Variants in GABRA3 observed in about 807,000 individuals in gnomAD.
GABRA3 encodes the protein gamma-aminobutyric acid receptor subunit alpha-3.
In GABRA3, 10 loss-of-function variants were observed where a neutral mutation model predicts 30.1. The ratio of observed to expected loss-of-function variants is 0.33; its 90% CI spans 0.20 to 0.56. The LOEUF is 0.56. Among genes scored for constraint, GABRA3 ranks in the 20% least tolerant of loss-of-function variants. The probability of loss-of-function intolerance (pLI) is 0.89; values close to 1 mark genes in which losing one functional copy is unlikely to be tolerated. For synonymous variants in GABRA3, 151 were observed against 146.8 expected (o/e 1.03, Z -0.21); for missense variants, 233 against 392.0 (o/e 0.59, Z 3.42).
rs192051708 is a variant in GABRA3 at position 152,384,590 on chromosome X, T to C, written c.-26-19994A>G. ...TTTATACAAAATTAAATTGTAACCTTACCCATAGTATACAAAAATGTATTA... is the reference window on the plus strand; with the variant it reads ...TTTATACAAAATTAAATTGTAACCTCACCCATAGTATACAAAAATGTATTA... On this transcript the variant is annotated intron_variant, in intron 1 of 9. Coordinates refer to ENST00000370314, the MANE Select transcript of GABRA3 (RefSeq NM_000808.4). Among the ~76,000 whole-genome samples, 6 of 112,373 alleles carry C rather than the reference T, an allele frequency of 5.3e-5. No homozygotes were observed. The East Asian group carries it at 1.7e-3, about 31-fold the overall frequency.
chrX:152,272,402 ATT>A (rs1300800939), intron 4 of GABRA3, among the ~76,000 whole-genome samples: 2 of 110,400 alleles, frequency 1.8e-5, no homozygotes, highest in Non-Finnish European at 3.9e-5. Flanking sequence ...CCTGTTGCCA[ATT>A]TGGCCAATTT....
intron 5 of GABRA3, among the ~76,000 whole-genome samples, chrX:152,225,638 T>C (rs755027074): frequency 9.0e-6 from 1 of 110,668 alleles, no homozygotes; most frequent in African/African-American, 3.3e-5. Context: ...TCCCCTGCAA[T>C]AGTCTCTCTG....
chrX:152,168,777 C>T lies in GABRA3; in HGVS notation c.1144-214G>A, dbSNP rs182837179. Among the ~76,000 whole-genome samples, 6 of 112,008 alleles carry T rather than the reference C, an allele frequency of 5.4e-5. No homozygotes were observed. In the South Asian group the frequency reaches 1.1e-3, roughly 21 times the overall value. On this transcript the variant is annotated intron_variant, in intron 9 of 9. Coordinates refer to ENST00000370314, the MANE Select transcript of GABRA3 (RefSeq NM_000808.4). ...AGAAAACGTGCATCATCCTGGCTCA[C>T]GAGCTATGTCGCTTTGGCTAAGTCA...
At chrX:152,392,164 C>A in intron 1 of GABRA3, 1 of 373,508 alleles carries the variant, frequency 2.7e-6, no homozygotes, top group Middle Eastern at 7.6e-4. Context: ...ATTAGAAACA[C>A]AGAGCACAGG....
intron 1 of GABRA3, among the ~76,000 whole-genome samples, chrX:152,400,901 G>A (rs191047410): frequency 9.0e-6 from 1 of 111,362 alleles, no homozygotes; most frequent in African/African-American, 3.3e-5. Flanking sequence ...AGCTGATAAA[G>A]AAAACTCTGG....
chrX:152,350,164 G>A (rs1453967488), intron 2 of GABRA3, among the ~76,000 whole-genome samples: 1 of 105,636 alleles, frequency 9.5e-6, no homozygotes, highest in Non-Finnish European at 1.9e-5. Context: ...ACTCAAAACC[G>A]CTCAATTACA....
intron 3 of GABRA3, among the ~76,000 whole-genome samples, chrX:152,329,550 T>G (rs757138498): frequency 9.0e-6 from 1 of 111,520 alleles, no homozygotes; most frequent in African/African-American, 3.3e-5. Context: ...CCACACATCT[T>G]CAACCATCTG....
At chrX:152,348,571 A>G (rs1446627386) in intron 2 of GABRA3, among the ~76,000 whole-genome samples, 1 of 111,735 alleles carries the variant, frequency 8.9e-6, no homozygotes, top group African/African-American at 3.3e-5. Flanking sequence ...TCAAATGACT[A>G]GAATTTAGTT....
intron 3 of GABRA3, among the ~76,000 whole-genome samples, chrX:152,330,717 G>T (rs1486296480): frequency 1.1e-5 from 1 of 91,593 alleles, no homozygotes; most frequent in African/African-American, 3.9e-5. Flanking sequence ...AGGGAGGGGG[G>T]AGGGGTAGCA....
chrX:152,275,264 T>C (rs1226473985), intron 4 of GABRA3, among the ~76,000 whole-genome samples: 1 of 54,470 alleles, frequency 1.8e-5, no homozygotes, highest in Non-Finnish European at 2.9e-5. Context: ...AAAATATATA[T>C]AAATTATATA....
At chrX:152,263,568 G>A (rs893266913) in intron 4 of GABRA3, among the ~76,000 whole-genome samples, 1 of 110,629 alleles carries the variant, frequency 9.0e-6, no homozygotes, top group African/African-American at 3.3e-5. Flanking sequence ...AATGAAGCAT[G>A]CTTTCAAGAA....
intron 8 of GABRA3, among the ~76,000 whole-genome samples, chrX:152,191,934 G>A (rs1937330177): frequency 9.0e-6 from 1 of 111,601 alleles, no homozygotes; most frequent in Admixed American, 9.6e-5. Context: ...TCTGACAATG[G>A]ATCCAGGCCT....
intron 1 of GABRA3, among the ~76,000 whole-genome samples, chrX:152,418,454 C>T (rs1462297588): frequency 9.0e-6 from 1 of 111,126 alleles, no homozygotes; most frequent in East Asian, 2.8e-4. Context: ...CCAAATTAAA[C>T]CAGAAAACAT....
intron 1 of GABRA3, among the ~76,000 whole-genome samples, chrX:152,372,053 G>C (rs1928855358): frequency 1.8e-5 from 2 of 111,019 alleles, no homozygotes; most frequent in Non-Finnish European, 3.8e-5. Flanking sequence ...TTGCCCCTTA[G>C]CTGTTCAAAA....
At chrX:152,305,636 T>C (rs1296574341) in intron 3 of GABRA3, among the ~76,000 whole-genome samples, 1 of 111,599 alleles carries the variant, frequency 9.0e-6, no homozygotes, top group African/African-American at 3.2e-5. Flanking sequence ...AAAGAATAAT[T>C]AAGGAATTTT....
intron 1 of GABRA3, among the ~76,000 whole-genome samples, chrX:152,428,867 A>C (rs937061185): frequency 4.5e-5 from 5 of 111,823 alleles, no homozygotes; most frequent in African/African-American, 1.6e-4. Context: ...GTCCCAGCTG[A>C]AAACTGAGAA....
intron 5 of GABRA3, among the ~76,000 whole-genome samples, chrX:152,236,888 G>C (rs1938229837): frequency 9.6e-6 from 1 of 103,867 alleles, no homozygotes; most frequent in Non-Finnish European, 2.0e-5. Flanking sequence ...GTAGATTCTG[G>C]ATATTAGCCC....
At chrX:152,175,232 A>G (rs1937057528) in intron 9 of GABRA3, among the ~76,000 whole-genome samples, 1 of 108,546 alleles carries the variant, frequency 9.2e-6, no homozygotes, top group African/African-American at 3.5e-5. Flanking sequence ...AATGTCACCA[A>G]TCCATCAATA....
chrX:152,235,934 C>A (rs1259497007), intron 5 of GABRA3, among the ~76,000 whole-genome samples: 1 of 100,669 alleles, frequency 9.9e-6, no homozygotes, highest in Non-Finnish European at 2.0e-5. Flanking sequence ...TCAAAAAGAA[C>A]AAAGCATTGC....
Sources: gnomAD v4.1 joint callset for allele counts (sites outside exome capture counted in the v4.1 genomes callset) on GRCh38, gnomAD v4.1.1 for gene constraint, MANE v1.5 for transcripts, NCBI Gene and HGNC (gene_info 2026-07-23, HGNC 2026-07-21) for gene names.